F13B: variants seen among roughly 807,000 people sequenced by gnomAD.
F13B encodes the protein TGase.
F13B carries 58 observed loss-of-function variants against 79.8 expected under a neutral mutation model. That is an observed-to-expected ratio of 0.73 (90% CI 0.59 to 0.90). The LOEUF (loss-of-function observed/expected upper bound fraction) is 0.90. F13B is among the 40% of genes least tolerant of loss of function. The pLI is 0.00. For missense variants in F13B, 773 were observed against 777.0 expected, an observed-to-expected ratio of 0.99 and a Z score of 0.06; for synonymous variants, 283 against 260.3, an observed-to-expected ratio of 1.09 and a Z score of -0.84.
intron 4 of F13B, 32 bp from the exon 5 acceptor site, chr1:197,060,574 CAAAT>C (rs1287051773): frequency 6.9e-7 from 1 of 1,451,056 alleles, no homozygotes; most frequent in Non-Finnish European, 9.6e-7. Context: ...AAATTACAAA[CAAAT>C]GTTTATTTTT....
At chr1:197,048,352 T>C (rs1416760393) in intron 10 of F13B, among the ~76,000 whole-genome samples, 2 of 151,820 alleles carry the variant, frequency 1.3e-5, no homozygotes, top group African/African-American at 4.8e-5. Flanking sequence ...ACTGCATAAG[T>C]ATATTTTAAA....
chr1:197,058,932 C>A (rs983663116), intron 5 of F13B, among the ~76,000 whole-genome samples: 1 of 152,054 alleles, frequency 6.6e-6, no homozygotes, highest in Non-Finnish European at 1.5e-5. Flanking sequence ...GTATAAAAGG[C>A]CTTAAGTAGG....
chr1:197,065,057 C>G (rs1370154393), intron 1 of F13B, among the ~76,000 whole-genome samples: 1 of 152,188 alleles, frequency 6.6e-6, no homozygotes. Context: ...TGGATAGTCC[C>G]CATTCCTTGA....
At chr1:197,061,749 C>T (rs545988283) in intron 3 of F13B, 35 bp downstream of exon 3, 2 of 1,553,996 alleles carry the variant, frequency 1.3e-6, no homozygotes, top group Admixed American at 1.7e-5. Context: ...GCTTGATAAG[C>T]ACTTATCTTC....
chr1:197,065,782 G>T (rs1656025604), intron 1 of F13B, among the ~76,000 whole-genome samples: 1 of 152,150 alleles, frequency 6.6e-6, no homozygotes, highest in Non-Finnish European at 1.5e-5. Flanking sequence ...TTAAAACATT[G>T]TAGTAGGTCC....
intron 10 of F13B, among the ~76,000 whole-genome samples, chr1:197,046,402 C>A (rs140594496): frequency 6.6e-6 from 1 of 152,050 alleles, no homozygotes; most frequent in African/African-American, 2.4e-5. Flanking sequence ...TATGAGTGAA[C>A]CCCCATTCAC....
intron 9 of F13B, among the ~76,000 whole-genome samples, chr1:197,051,571 C>T (rs1362175392): frequency 3.3e-5 from 5 of 152,086 alleles, no homozygotes; most frequent in Non-Finnish European, 7.4e-5. Flanking sequence ...CTCTGATAGT[C>T]TGGCAACATT....
chr1:197,061,720 T>G, intron 3 of F13B, 64 bp downstream of exon 3: 1 of 1,307,564 alleles, frequency 7.6e-7, no homozygotes, highest in Non-Finnish European at 1.1e-6. Flanking sequence ...CAATATAAGC[T>G]TCAATATATT....
chr1:197,039,771 T>A (rs1303334676), intron 11 of F13B, among the ~76,000 whole-genome samples: 1 of 152,030 alleles, frequency 6.6e-6, no homozygotes, highest in East Asian at 1.9e-4. Flanking sequence ...CTTTTAAATA[T>A]TTTTTTACTA....
chr1:197,040,828 A>T, intron 10 of F13B, 93 bp from the exon 11 acceptor site: 1 of 977,886 alleles, frequency 1.0e-6, no homozygotes. Flanking sequence ...TTGCCTACTC[A>T]TGAGGACCTT....
intron 10 of F13B, among the ~76,000 whole-genome samples, 157 bp from the exon 11 acceptor site, chr1:197,040,892 T>A (rs932720937): frequency 1.3e-5 from 2 of 151,750 alleles, no homozygotes; most frequent in Non-Finnish European, 2.9e-5. Context: ...AATATTTGAG[T>A]CAGAAAATAT....
At chr1:197,060,255 A>C in intron 5 of F13B, 111 bp downstream of exon 5, 1 of 708,124 alleles carries the variant, frequency 1.4e-6, no homozygotes. Context: ...TATTTTAAAA[A>C]TAGGACTCAG....
At chr1:197,062,029 G>C in intron 2 of F13B, 60 bp from the exon 3 acceptor site, 1 of 1,406,928 alleles carries the variant, frequency 7.1e-7, no homozygotes, top group Non-Finnish European at 9.9e-7. Context: ...TTACTAAATT[G>C]TAAAATTAAG....
At position 197,067,157 on chromosome 1, in the gene F13B, T is replaced by C; in HGVS notation, c.64+3A>G. 2.6e-6 allele frequency: 4 copies of C among 1,560,586 alleles called. No homozygotes were observed. The highest frequency in any genetic ancestry group is 3.5e-6 in the Non-Finnish European group (4 of 1,133,570). On this transcript the variant is annotated splice_donor_region_variant and intron_variant, in intron 1 of 11. Coordinates refer to ENST00000367412, the MANE Select transcript of F13B (RefSeq NM_001994.3). ...AATAAAGAATATTAAGAATTAATTT[T>C]ACCTTCTGCATAGAGTTCTCCTGAG...
rs929904024 is a variant in F13B at position 197,038,747 on chromosome 1, G to C, written c.*631C>G. On this transcript the variant is annotated 3_prime_UTR_variant, in exon 12 of 12. Transcript: ENST00000367412. ...TAAATAAAATTAAATAAAATTCCAA[G>C]GGTCATTCTTTCTTTAATTGTGTCT... is the stretch of plus-strand genomic sequence containing the variant. Among the ~76,000 whole-genome samples the C allele has an allele frequency of 9.4e-6, 1 of 105,904 alleles. No individual in the cohort carries two copies. The highest frequency in any genetic ancestry group is 2.3e-5 in the Non-Finnish European group (1 of 44,396). 69.5% of individuals were successfully genotyped at this position (105,904 alleles called of 152,430 possible).
At chr1:197,044,109 C>T (rs973616466) in intron 10 of F13B, among the ~76,000 whole-genome samples, 7 of 151,712 alleles carry the variant, frequency 4.6e-5, no homozygotes, top group Non-Finnish European at 1.0e-4. Flanking sequence ...AGATTTGTTT[C>T]TGATTTGTTT....
chr1:197,061,076 C>G lies in F13B; in HGVS notation c.452-1G>C, dbSNP rs1655843657. 4.4e-6 allele frequency: 6 copies of G among 1,365,950 alleles called. No individual in the cohort carries two copies. Among genetic ancestry groups the G allele is most frequent in the Non-Finnish European group, 6.0e-6 (6 of 993,254 alleles). The allele number at this position is 1,365,950 out of a possible 1,614,324, so 84.6% of individuals were successfully genotyped here. A position where few individuals can be genotyped will look rare whatever the true frequency, so the allele number is the denominator to read the frequency against. ...TATAATTCAGGAGCCAAACATGTTTCTAAAATTATAAAAATTATTTATTTT... is the reference window on the plus strand; with the variant it reads ...TATAATTCAGGAGCCAAACATGTTTGTAAAATTATAAAAATTATTTATTTT... On this transcript the variant is annotated splice_acceptor_variant, in intron 3 of 11. Coordinates refer to ENST00000367412, the MANE Select transcript of F13B (RefSeq NM_001994.3). LOFTEE classifies it high-confidence loss of function.
chr1:197,046,717 A>G (rs957254881), intron 10 of F13B, among the ~76,000 whole-genome samples: 30 of 152,314 alleles, frequency 2.0e-4, no homozygotes, highest in Admixed American at 7.2e-4. Flanking sequence ...AATCCTAAGC[A>G]AAAAGAACAA....
rs1435619176 is a variant in F13B, at chr1:197,057,130, T to C, written c.1054A>G (p.Lys352Glu). 8.1e-6 allele frequency: 13 copies of C among 1,613,800 alleles called. No homozygotes were observed. The highest frequency in any genetic ancestry group is 1.1e-5 in the Non-Finnish European group (13 of 1,179,936). Residue 352 changes from lysine to glutamate, a missense_variant, in exon 7 of 12, where the codon AAG (lysine) becomes GAG (glutamate). By Grantham distance (56) the Lys-to-Glu change is moderately conservative. Transcript: ENST00000367412. ...IENGAANLHS[K>E]IYYNGDKVTY... Reference sequence around the variant, plus strand: ...ACTTTATCCCCATTGTAATAAATCTTAGAGTGTAAATTTGCTGCACCATTT... The same window carrying C: ...ACTTTATCCCCATTGTAATAAATCTCAGAGTGTAAATTTGCTGCACCATTT...
Sources: allele counts gnomAD v4.1 joint callset (sites outside exome capture counted in the v4.1 genomes callset), GRCh38; gene constraint gnomAD v4.1.1; transcripts MANE v1.5; gene names NCBI Gene and HGNC (gene_info 2026-07-23, HGNC 2026-07-21).